The following AUTS2 variants were observed in gnomAD, a reference collection of about 807,000 sequenced individuals.
AUTS2 encodes autism susceptibility gene 2 protein.
Under a neutral mutation model 112.4 loss-of-function variants are expected in AUTS2, and 17 were observed. That is an observed-to-expected ratio of 0.15 (90% CI 0.10 to 0.23). The LOEUF is 0.23. Among genes scored for constraint, AUTS2 ranks in the 10% least tolerant of loss-of-function variants. The pLI, the probability that AUTS2 is intolerant of heterozygous loss-of-function variation, is 1.00. For synonymous variants in AUTS2, 751 were observed against 702.7 expected (o/e 1.07, Z -1.09); for missense variants, 1,510 against 1,701.6 (o/e 0.89, Z 1.98).
At chr7:70,313,183 C>A (rs899289584) in intron 4 of AUTS2, among the ~76,000 whole-genome samples, 9 of 152,206 alleles carry the variant, frequency 5.9e-5, no homozygotes, top group African/African-American at 2.2e-4. Context: ...ACCCCCAATT[C>A]TGAGAGTACT....
At chr7:69,641,913 G>A (rs997540683) in intron 1 of AUTS2, among the ~76,000 whole-genome samples, 6 of 152,198 alleles carry the variant, frequency 3.9e-5, no homozygotes, top group Non-Finnish European at 7.3e-5. Context: ...TCCCTTTAAA[G>A]TATTTGTATC....
intron 2 of AUTS2, among the ~76,000 whole-genome samples, chr7:69,967,386 A>G (rs987855010): frequency 5.3e-5 from 8 of 152,034 alleles, no homozygotes; most frequent in African/African-American, 1.9e-4. Flanking sequence ...GTTGAAGTCC[A>G]TTTGAGGAAT....
intron 2 of AUTS2, among the ~76,000 whole-genome samples, chr7:69,999,495 T>C (rs1487057266): frequency 6.6e-6 from 1 of 152,224 alleles, no homozygotes; most frequent in East Asian, 1.9e-4. Context: ...TGACTTATTT[T>C]TGCAAAATTT....
intron 1 of AUTS2, among the ~76,000 whole-genome samples, chr7:69,844,133 A>T (rs948619955): frequency 6.6e-6 from 1 of 151,708 alleles, no homozygotes; most frequent in African/African-American, 2.4e-5. Context: ...ATGTGTGATT[A>T]AAAAAAAATC....
chr7:70,358,950 G>A (rs913630348), intron 4 of AUTS2, among the ~76,000 whole-genome samples: 2 of 152,260 alleles, frequency 1.3e-5, no homozygotes, highest in Non-Finnish European at 2.9e-5. Flanking sequence ...TGAAGGCTTA[G>A]TCTTTAGATT....
chr7:69,774,272 T>C (rs1040834577), intron 1 of AUTS2, among the ~76,000 whole-genome samples: 2 of 152,188 alleles, frequency 1.3e-5, no homozygotes, highest in African/African-American at 4.8e-5. Flanking sequence ...CGGTGGTATG[T>C]GCCTGTAGTC....
intron 2 of AUTS2, among the ~76,000 whole-genome samples, chr7:70,106,424 TA>T (rs1324056947): frequency 6.6e-6 from 1 of 152,136 alleles, no homozygotes; most frequent in Non-Finnish European, 1.5e-5. Flanking sequence ...CATTCAGTAT[TA>T]AAAGAAGAAT....
chr7:69,714,191 G>A (rs1179840400), intron 1 of AUTS2, among the ~76,000 whole-genome samples: 3 of 151,324 alleles, frequency 2.0e-5, no homozygotes, highest in African/African-American at 7.3e-5. Context: ...CCCTCAAGCT[G>A]TAGCTGGGAC....
chr7:70,622,846 T>C (rs141107859), intron 5 of AUTS2, among the ~76,000 whole-genome samples: 3 of 152,370 alleles, frequency 2.0e-5, no homozygotes, highest in Admixed American at 2.0e-4. Context: ...TGGCCGCTGA[T>C]ACTCTTGTGA....
At chr7:69,938,714 T>C (rs1301095188) in intron 2 of AUTS2, among the ~76,000 whole-genome samples, 1 of 152,190 alleles carries the variant, frequency 6.6e-6, no homozygotes, top group East Asian at 1.9e-4. Context: ...AGTGGCTAAG[T>C]GTCTTAGATA....
At chr7:70,206,439 T>G (rs1298470898) in intron 4 of AUTS2, among the ~76,000 whole-genome samples, 2 of 151,998 alleles carry the variant, frequency 1.3e-5, no homozygotes, top group Non-Finnish European at 2.9e-5. Flanking sequence ...GATAATTGAG[T>G]GTTGAGAGAA....
intron 1 of AUTS2, among the ~76,000 whole-genome samples, chr7:69,839,728 C>G (rs960577588): frequency 6.6e-6 from 1 of 152,116 alleles, no homozygotes; most frequent in Non-Finnish European, 1.5e-5. Flanking sequence ...GCAGAAGAAT[C>G]ACATCAACAT....
chr7:69,969,519 A>C (rs1394618138), intron 2 of AUTS2, among the ~76,000 whole-genome samples: 3 of 152,182 alleles, frequency 2.0e-5, no homozygotes, highest in African/African-American at 7.2e-5. Context: ...TCTCTGCAGA[A>C]CTTTTGTTCT....
chr7:70,165,914 AG>A (rs1160018472), intron 4 of AUTS2, among the ~76,000 whole-genome samples: 1 of 152,050 alleles, frequency 6.6e-6, no homozygotes, highest in Non-Finnish European at 1.5e-5. Flanking sequence ...GCCTGGTGGG[AG>A]GTGATTGGAT....
chr7:70,006,023 C>T (rs1398380792), intron 2 of AUTS2, among the ~76,000 whole-genome samples: 3 of 152,084 alleles, frequency 2.0e-5, no homozygotes, highest in Non-Finnish European at 2.9e-5. Flanking sequence ...AACAAATGCA[C>T]GCATGTGTTA....
intron 4 of AUTS2, among the ~76,000 whole-genome samples, chr7:70,250,242 A>G (rs559310378): frequency 6.6e-6 from 1 of 152,288 alleles, no homozygotes; most frequent in African/African-American, 2.4e-5. Context: ...TCAGTTACAA[A>G]TAGGGATGAA....
At chr7:70,210,740 C>CA (rs1562788961) in intron 4 of AUTS2, among the ~76,000 whole-genome samples, 1 of 152,096 alleles carries the variant, frequency 6.6e-6, no homozygotes, top group Admixed American at 6.5e-5. Context: ...ATCAGGAAAC[C>CA]CAGTGTCCAT....
intron 1 of AUTS2, among the ~76,000 whole-genome samples, chr7:69,707,972 C>G (rs1798142405): frequency 6.6e-6 from 1 of 152,068 alleles, no homozygotes; most frequent in Admixed American, 6.6e-5. Context: ...GCCTGTGCAT[C>G]TGGAGTTGTG....
At chr7:69,606,854 T>C (rs1792749739) in intron 1 of AUTS2, among the ~76,000 whole-genome samples, 1 of 152,200 alleles carries the variant, frequency 6.6e-6, no homozygotes, top group Non-Finnish European at 1.5e-5. Flanking sequence ...GAATGTAGAC[T>C]TTTTTCCCCT....
Sources: gnomAD v4.1 joint callset for allele counts (sites outside exome capture counted in the v4.1 genomes callset) on GRCh38, gnomAD v4.1.1 for gene constraint, MANE v1.5 for transcripts, NCBI Gene and HGNC (gene_info 2026-07-23, HGNC 2026-07-21) for gene names.